ZNF426: variants seen among roughly 807,000 people sequenced by gnomAD.
ZNF426 encodes zinc finger protein 426, also known as CTC-543D15.7.
ZNF426 carries 23 observed loss-of-function variants against 24.0 expected under a neutral mutation model. That is an observed-to-expected ratio of 0.96 (90% CI 0.69 to 1.36). ZNF426 has a LOEUF of 1.36. ZNF426 is among the 40% of genes most tolerant of loss of function. ZNF426 has a pLI of 0.00. For missense variants in ZNF426, 646 were observed against 658.4 expected (o/e 0.98, Z 0.21); for synonymous variants, 272 against 224.6 (o/e 1.21, Z -1.89).
chr19:9,536,430 G>T, intron 2 of ZNF426, 74 bp from the exon 3 acceptor site: 1 of 1,402,820 alleles, frequency 7.1e-7, no homozygotes, highest in Non-Finnish European at 9.6e-7. Flanking sequence ...GGCTGGGGCA[G>T]TAGCTCATGC....
In ZNF426 at chr19:9,536,315, G is replaced by A. The variant is rs369186969; in HGVS notation, c.-83C>T. 1.2e-6 allele frequency: 2 copies of A among 1,613,172 alleles called. No individual in the cohort carries two copies. Among genetic ancestry groups the A allele is most frequent in the Non-Finnish European group, 8.5e-7 (1 of 1,179,616 alleles). Reference sequence around the variant, plus strand: ...GACACCTCATTAATCTAAATGGACAGTGGCAATCTCCATTCCTCTTTAAAC... The same window carrying A: ...GACACCTCATTAATCTAAATGGACAATGGCAATCTCCATTCCTCTTTAAAC... On this transcript the variant is annotated 5_prime_UTR_variant, in exon 3 of 8. Coordinates refer to ENST00000253115, the MANE Select transcript of ZNF426 (RefSeq NM_024106.3).
In ZNF426 at chr19:9,535,236, C is replaced by A; in HGVS notation, c.69G>T (p.Lys23Asn). ...CAGCCACTATTCTTCCTGCTGGTGT[C>A]TTTTCTTCATGAAGGCAAACTGGGT... ...SGDPVCLHEE[K>N]TPAGRIVADC... Residue 23 changes from lysine to asparagine, a missense_variant, in exon 4 of 8, where the codon AAG becomes AAT. Physicochemically the swap from Lys to Asn is moderately conservative, Grantham distance 94. Transcript: ENST00000253115. 1.2e-6 allele frequency: 2 copies of A among 1,613,690 alleles called. No individual in the cohort carries two copies. The highest frequency in any genetic ancestry group is 1.3e-5 in the African/African-American group (1 of 75,016).
In ZNF426 at chr19:9,526,087, T is replaced by A. The variant is rs112810715; in HGVS notation, c.*2293A>T. 6.6e-6 allele frequency: 1 copy of A among 151,854 alleles called. No individual in the cohort carries two copies. The highest frequency in any genetic ancestry group is 1.5e-5 in the Non-Finnish European group (1 of 68,022). The allele number at this position is 151,854 out of a possible 1,614,324, so 9.4% of individuals were successfully genotyped here. The stretch of plus-strand genomic sequence containing the variant: ...AACTAAAGGGTGGGAAAAACTGAAG[T>A]TCACAGTGCAGAAGCACAGACTCAC... On this transcript the variant is annotated 3_prime_UTR_variant, in exon 8 of 8. Transcript: ENST00000253115.
At position 9,531,176 on chromosome 19, in the gene ZNF426, G is replaced by A. The variant is rs1241898492; in HGVS notation, c.326-109C>T. Reference sequence around the variant, plus strand: ...AAGGCAGGTGGATCACTTGAGGTCAGGAGTTTGAGACCAGCCTGGCCAACA... The same window carrying A: ...AAGGCAGGTGGATCACTTGAGGTCAAGAGTTTGAGACCAGCCTGGCCAACA... On this transcript the variant is annotated intron_variant, in intron 6 of 7. Transcript: ENST00000253115. The A allele has an allele frequency of 1.3e-5, 11 of 838,704 alleles. No homozygotes were observed. In the East Asian group the frequency reaches 2.7e-4, roughly 21 times the overall value. The allele number at this position is 838,704 out of a possible 1,614,324, so 52.0% of individuals were successfully genotyped here.
chr19:9,533,378 C>G (rs2073917161), intron 5 of ZNF426, among the ~76,000 whole-genome samples: 1 of 152,188 alleles, frequency 6.6e-6, no homozygotes, highest in African/African-American at 2.4e-5. Context: ...ATCGCTTGAA[C>G]CCAGGAGGCA....
At chr19:9,531,139 C>G (rs554719577) in intron 6 of ZNF426, 72 bp from the exon 7 acceptor site, 1 of 1,258,838 alleles carries the variant, frequency 7.9e-7, no homozygotes, top group Non-Finnish European at 1.2e-6. Context: ...AATCCCAGCA[C>G]TTTGGGAGGC....
intron 3 of ZNF426, among the ~76,000 whole-genome samples, chr19:9,535,571 C>A (rs1009736243): frequency 2.6e-5 from 4 of 152,094 alleles, no homozygotes; most frequent in African/African-American, 9.7e-5. Flanking sequence ...CACCTGTAGT[C>A]CCATCTCCTT....
In ZNF426 at chr19:9,538,582, A is replaced by C. The variant is rs138572947; in HGVS notation, c.-219T>G. On this transcript the variant is annotated 5_prime_UTR_variant, in exon 1 of 8. Coordinates refer to ENST00000253115, the MANE Select transcript of ZNF426 (RefSeq NM_024106.3). ...CATCTCCTCGGAACTCACCCAGGCC[A>C]GTGAGGCCTTAACTCTGAAAGGCAA... The C allele has an allele frequency of 1.5e-4, 23 of 152,364 alleles. No individual in the cohort carries two copies. The highest frequency in any genetic ancestry group is 3.4e-3 in the Middle Eastern group (1 of 298). 9.4% of individuals were successfully genotyped at this position (152,364 alleles called of 1,614,324 possible).
rs778718935 is a variant in ZNF426 at position 9,529,572 on chromosome 19, T to C, written c.473A>G (p.His158Arg). Residue 158 changes from histidine to arginine, a missense_variant, in exon 8 of 8, where the codon CAC becomes CGC. Coordinates refer to ENST00000253115, the MANE Select transcript of ZNF426 (RefSeq NM_024106.3). The stretch of plus-strand genomic sequence containing the variant: ...TCTCACGTGCGTCTTAAGGCATGAG[T>C]GTTCACTGAAGACTTCTCCACATTG... ...CEQCGEVFSE[H>R]SCLKTHVRTQ... 1.9e-6 allele frequency: 3 copies of C among 1,608,698 alleles called. No homozygotes were observed. In the African/African-American group the frequency reaches 4.0e-5, roughly 21 times the overall value.
chr19:9,536,696 CT>C, intron 2 of ZNF426: 3 of 210,854 alleles, frequency 1.4e-5, no homozygotes, highest in Admixed American at 1.1e-4. Flanking sequence ...ATTGGAAACA[CT>C]CAAATCAAAT....
intron 7 of ZNF426, 23 bp downstream of exon 7, chr19:9,530,962 A>G (rs1247269325): frequency 1.3e-6 from 2 of 1,589,172 alleles, no homozygotes; most frequent in South Asian, 2.2e-5. Flanking sequence ...TGGAAAATAA[A>G]AAATATCCTA....
chr19:9,536,506 G>T, intron 2 of ZNF426, 150 bp from the exon 3 acceptor site: 1 of 614,168 alleles, frequency 1.6e-6, no homozygotes, highest in Non-Finnish European at 2.7e-6. Flanking sequence ...TTTGAGACCA[G>T]CCTGGGCAAC....
At position 9,526,248 on chromosome 19, in the gene ZNF426, A is replaced by G. The variant is rs1242765444; in HGVS notation, c.*2132T>C. The G allele has an allele frequency of 6.6e-6, 1 of 151,474 alleles. No individual in the cohort carries two copies. Among genetic ancestry groups the G allele is most frequent in the African/African-American group, 2.4e-5 (1 of 41,188 alleles). The allele number at this position is 151,474 out of a possible 1,614,324, so 9.4% of individuals were successfully genotyped here. A position where few individuals can be genotyped will look rare whatever the true frequency, so the allele number is the denominator to read the frequency against. On this transcript the variant is annotated 3_prime_UTR_variant, in exon 8 of 8. Transcript: ENST00000253115. ...GTCCAGCTAAGGAAAAATTACAAGC[A>G]TACTAAAAGGCAAAAGTTAGTTTAA...
rs116242542 is a variant in ZNF426, at chr19:9,535,555, A to G, written c.26-276T>C. Among the ~76,000 whole-genome samples the G allele has an allele frequency of 3.3e-3, 496 of 152,262 alleles. 6 individuals are homozygous for G. Among genetic ancestry groups the G allele is most frequent in the African/African-American group, 0.011 (474 of 41,570 alleles). ...AATTTTAAAATGAGCCTGGTGTGGT[A>G]ACACACACCTGTAGTCCCATCTCCT... On this transcript the variant is annotated intron_variant, in intron 3 of 7. Transcript: ENST00000253115.
chr19:9,530,954 G>A (rs2073874075), intron 7 of ZNF426, 31 bp downstream of exon 7: 1 of 1,558,994 alleles, frequency 6.4e-7, no homozygotes, highest in Non-Finnish European at 8.8e-7. Context: ...TCTGAGGGTG[G>A]AAAATAAAAA....
At chr19:9,536,505 A>G in intron 2 of ZNF426, 149 bp from the exon 3 acceptor site, 1 of 616,774 alleles carries the variant, frequency 1.6e-6, no homozygotes, top group South Asian at 2.2e-5. Context: ...GTTTGAGACC[A>G]GCCTGGGCAA....
rs375817888 is a variant in ZNF426 at position 9,528,434 on chromosome 19, G to A, written c.1611C>T (p.Cys537=). 1.1e-5 allele frequency: 17 copies of A among 1,611,408 alleles called. No individual in the cohort carries two copies. The South Asian group carries it at 1.2e-4, about 12-fold the overall frequency. ...TEEKPYKCQQ[C]GKAYSHPRSL... ...AACGGGGATGACTGTAAGCTTTCCC[G>A]CATTGCTGACATTTATAGGGTTTCT... The change falls in exon 8 of 8, where the codon TGC becomes TGT. Residue 537 remains cysteine (C), a synonymous_variant. Coordinates refer to ENST00000253115, the MANE Select transcript of ZNF426 (RefSeq NM_024106.3).
At chr19:9,530,453 C>T (rs1012538655) in intron 7 of ZNF426, among the ~76,000 whole-genome samples, 7 of 149,764 alleles carry the variant, frequency 4.7e-5, no homozygotes, top group Admixed American at 2.0e-4. Context: ...GACCTTGTCT[C>T]GACCAAAAAA....
At chr19:9,535,356 C>T (rs1045169665) in intron 3 of ZNF426, 77 bp from the exon 4 acceptor site, 7 of 1,027,156 alleles carry the variant, frequency 6.8e-6, no homozygotes, top group Non-Finnish European at 1.0e-5. Flanking sequence ...TCATTACCTC[C>T]TAGTATGAAA....
Sources: allele counts gnomAD v4.1 joint callset (sites outside exome capture counted in the v4.1 genomes callset), GRCh38; gene constraint gnomAD v4.1.1; transcripts MANE v1.5; gene names NCBI Gene and HGNC (gene_info 2026-07-23, HGNC 2026-07-21).